CDKAL1: variants seen among roughly 807,000 people sequenced by gnomAD.
CDKAL1 encodes the protein CDKAL1 threonylcarbamoyladenosine tRNA methylthiotransferase.
CDKAL1 carries 32 observed loss-of-function variants against 68.2 expected under a neutral mutation model. The observed-to-expected ratio is 0.47, with a 90% CI of 0.35 to 0.63. The LOEUF (loss-of-function observed/expected upper bound fraction) is 0.63. Ranked by LOEUF, CDKAL1 falls within the 30% of genes least tolerant of loss-of-function variation. CDKAL1 has a pLI of 0.00. For synonymous variants in CDKAL1, 234 were observed against 244.3 expected (o/e 0.96, Z 0.39); for missense variants, 606 against 696.7 (o/e 0.87, Z 1.47).
At chr6:20,761,457 A>T (rs536110640) in intron 7 of CDKAL1, among the ~76,000 whole-genome samples, 16 of 152,234 alleles carry the variant, frequency 1.1e-4, no homozygotes, top group Admixed American at 7.2e-4. Flanking sequence ...ACGTCTATAC[A>T]AAAACCTGTT....
intron 5 of CDKAL1, among the ~76,000 whole-genome samples, chr6:20,691,708 T>C (rs1051185958): frequency 6.6e-6 from 1 of 152,100 alleles, no homozygotes; most frequent in South Asian, 2.1e-4. Flanking sequence ...CTCCAAAGCA[T>C]TGTGAAAGAA....
chr6:20,601,176 T>G (rs9465827), intron 4 of CDKAL1, among the ~76,000 whole-genome samples: 4,613 of 152,248 alleles, frequency 0.03, 229 homozygotes, highest in African/African-American at 0.1. Flanking sequence ...TACATGATTA[T>G]AAAAGTCTCA....
chr6:21,190,567 A>G (rs1289355446), intron 13 of CDKAL1, among the ~76,000 whole-genome samples: 1 of 152,126 alleles, frequency 6.6e-6, no homozygotes, highest in African/African-American at 2.4e-5. Flanking sequence ...GAGTTTCATC[A>G]TGTTGGCTAA....
chr6:20,617,585 A>G (rs554662264), intron 4 of CDKAL1, among the ~76,000 whole-genome samples: 53 of 152,242 alleles, frequency 3.5e-4, no homozygotes, highest in African/African-American at 1.2e-3. Context: ...ACCCCATGAC[A>G]GGCCCTGGTG....
At chr6:20,752,158 G>A (rs921768059) in intron 6 of CDKAL1, among the ~76,000 whole-genome samples, 4 of 149,462 alleles carry the variant, frequency 2.7e-5, no homozygotes, top group East Asian at 3.9e-4. Flanking sequence ...GTTGTCTTCC[G>A]TACTGGAAAC....
chr6:21,065,191 C>T lies in CDKAL1; in HGVS notation c.1199C>T (p.Thr400Ile). The T allele has an allele frequency of 6.2e-7, 1 of 1,609,448 alleles. No homozygotes were observed. Among genetic ancestry groups the T allele is most frequent in the Non-Finnish European group, 8.5e-7 (1 of 1,178,696 alleles). ...FINQFYPRPG[T>I]PAAKMEQVPA... ...AACCAATTTTACCCAAGACCAGGAACTCCTGCTGCAAAAATGGAACAAGTT... is the reference window on the plus strand; with the variant it reads ...AACCAATTTTACCCAAGACCAGGAATTCCTGCTGCAAAAATGGAACAAGTT... Residue 400 changes from threonine (T) to isoleucine (I), a missense_variant, in exon 12 of 16, where the codon ACT becomes ATT. By Grantham distance (89) the Thr-to-Ile change is moderately conservative (BLOSUM62 -1). Transcript: ENST00000274695.
rs146230419 is a variant in CDKAL1 at position 21,126,658 on chromosome 6, G to T, written c.1299+18195G>T. Among the ~76,000 whole-genome samples, 4 of 152,084 alleles carry T rather than the reference G, an allele frequency of 2.6e-5. No homozygotes were observed. The South Asian group carries it at 8.3e-4, about 32-fold the overall frequency. The stretch of plus-strand genomic sequence containing the variant: ...TTTGTATTGCTCAAATTGCAGACGT[G>T]AGCTTGCCATTTTGAATTTCTAGTT... On this transcript the variant is annotated intron_variant, in intron 13 of 15. Transcript: ENST00000274695.
At chr6:21,044,873 G>A (rs1002743392) in intron 11 of CDKAL1, among the ~76,000 whole-genome samples, 3 of 152,144 alleles carry the variant, frequency 2.0e-5, no homozygotes, top group African/African-American at 7.2e-5. Context: ...ATTTCTCACA[G>A]TTCTAGAGGC....
At chr6:20,625,709 T>C (rs761119406) in intron 4 of CDKAL1, among the ~76,000 whole-genome samples, 6 of 152,124 alleles carry the variant, frequency 3.9e-5, no homozygotes, top group Non-Finnish European at 8.8e-5. Flanking sequence ...AAATAAGGCA[T>C]TGACAGTCAA....
At chr6:20,997,576 T>A (rs1767188102) in intron 10 of CDKAL1, among the ~76,000 whole-genome samples, 1 of 152,194 alleles carries the variant, frequency 6.6e-6, no homozygotes, top group Non-Finnish European at 1.5e-5. Context: ...TTATCCTACT[T>A]GTTTGCTATT....
At chr6:20,982,689 T>A (rs1363546498) in intron 10 of CDKAL1, among the ~76,000 whole-genome samples, 1 of 151,904 alleles carries the variant, frequency 6.6e-6, no homozygotes, top group Admixed American at 6.6e-5. Flanking sequence ...AAATGACTTC[T>A]TCTGTTAACA....
chr6:20,954,239 G>C (rs1764673636), intron 9 of CDKAL1, among the ~76,000 whole-genome samples: 1 of 152,038 alleles, frequency 6.6e-6, no homozygotes, highest in Non-Finnish European at 1.5e-5. Flanking sequence ...TTTATTTTAT[G>C]CTTTTTTATT....
intron 12 of CDKAL1, among the ~76,000 whole-genome samples, chr6:21,105,353 G>A (rs188334479): frequency 8.5e-4 from 130 of 152,204 alleles, no homozygotes; most frequent in Non-Finnish European, 1.6e-3. Context: ...GCTCAGAGGC[G>A]GAGAGAGGAG....
chr6:21,229,856 G>A (rs1779889691), intron 15 of CDKAL1, among the ~76,000 whole-genome samples: 1 of 152,192 alleles, frequency 6.6e-6, no homozygotes, highest in Admixed American at 6.5e-5. Flanking sequence ...ATAGCCAGGT[G>A]CTCCTCTCTC....
At chr6:20,587,742 A>ATGT (rs1561945829) in intron 4 of CDKAL1, among the ~76,000 whole-genome samples, 1 of 147,268 alleles carries the variant, frequency 6.8e-6, no homozygotes, top group Non-Finnish European at 1.5e-5. Context: ...GAAAACAAAC[A>ATGT]AACAAACAAA....
chr6:21,178,042 A>G (rs1777653472), intron 13 of CDKAL1, among the ~76,000 whole-genome samples: 1 of 152,088 alleles, frequency 6.6e-6, no homozygotes, highest in Admixed American at 6.6e-5. Flanking sequence ...TCACCCACTG[A>G]TACTTTCTTT....
At chr6:21,098,856 C>T (rs1223100373) in intron 12 of CDKAL1, among the ~76,000 whole-genome samples, 1 of 152,072 alleles carries the variant, frequency 6.6e-6, no homozygotes, top group African/African-American at 2.4e-5. Flanking sequence ...AAAATGCAGG[C>T]TCTCTAAGGA....
At chr6:20,858,017 C>A (rs969337714) in intron 9 of CDKAL1, among the ~76,000 whole-genome samples, 16 of 152,100 alleles carry the variant, frequency 1.1e-4, no homozygotes, top group Non-Finnish European at 2.2e-4. Context: ...ATGCCACGAC[C>A]CTGGCTAATT....
At chr6:20,824,372 G>A (rs1015389688) in intron 8 of CDKAL1, among the ~76,000 whole-genome samples, 1 of 152,022 alleles carries the variant, frequency 6.6e-6, no homozygotes, top group African/African-American at 2.4e-5. Context: ...TCAATAGCTC[G>A]GGCATAATTT....
Sources: gnomAD v4.1 joint callset for allele counts (sites outside exome capture counted in the v4.1 genomes callset) on GRCh38, gnomAD v4.1.1 for gene constraint, MANE v1.5 for transcripts, NCBI Gene and HGNC (gene_info 2026-07-23, HGNC 2026-07-21) for gene names.